The following FGF14 variants were observed in gnomAD, a reference collection of about 807,000 sequenced individuals.
FGF14 encodes the protein fibroblast growth factor homologous factor 4.
Under a neutral mutation model 25.5 loss-of-function variants are expected in FGF14, and 5 were observed. The observed-to-expected ratio is 0.20, with a 90% CI of 0.10 to 0.41. FGF14 has a LOEUF of 0.41. FGF14 is among the 10% of genes least tolerant of loss of function. The pLI, the probability that FGF14 is intolerant of heterozygous loss-of-function variation, is 1.00. For synonymous variants in FGF14, 138 were observed against 118.3 expected, an observed-to-expected ratio of 1.17 and a Z score of -1.08; for missense variants, 222 against 320.1, an observed-to-expected ratio of 0.69 and a Z score of 2.34.
chr13:102,166,257 CCATT>C (rs1367525259), intron 1 of FGF14, among the ~76,000 whole-genome samples: 4 of 150,974 alleles, frequency 2.6e-5, no homozygotes, highest in African/African-American at 4.9e-5. Context: ...TGCAAATTTG[CCATT>C]CACTTTATTT....
At chr13:101,950,746 A>G (rs933376835) in intron 1 of FGF14, among the ~76,000 whole-genome samples, 1 of 125,636 alleles carries the variant, frequency 8.0e-6, no homozygotes, top group Admixed American at 9.3e-5. Context: ...AGAAAACCTA[A>G]TCATGTTTTT....
chr13:102,063,853 TTAATA>T (rs1157872200), intron 1 of FGF14, among the ~76,000 whole-genome samples: 3 of 152,148 alleles, frequency 2.0e-5, no homozygotes, highest in Admixed American at 1.3e-4. Flanking sequence ...AAAAAAACAC[TTAATA>T]TATTATGTCA....
intron 3 of FGF14, among the ~76,000 whole-genome samples, chr13:101,816,219 G>A (rs1423121431): frequency 6.9e-6 from 1 of 144,778 alleles, no homozygotes; most frequent in Admixed American, 7.1e-5. Flanking sequence ...GCAGTGAGCC[G>A]AGATCGCGCC....
chr13:102,043,392 C>T (rs1277876357), intron 1 of FGF14, among the ~76,000 whole-genome samples: 2 of 152,124 alleles, frequency 1.3e-5, no homozygotes, highest in Non-Finnish European at 2.9e-5. Context: ...TGTTTAACAA[C>T]TGTCAAACAA....
chr13:101,730,381 T>C (rs2139711610), intron 3 of FGF14, among the ~76,000 whole-genome samples: 1 of 152,246 alleles, frequency 6.6e-6, no homozygotes, highest in South Asian at 2.1e-4. Flanking sequence ...AGGGGAGAAA[T>C]AATATCAGGA....
At chr13:102,134,020 C>G (rs2046308949) in intron 1 of FGF14, among the ~76,000 whole-genome samples, 1 of 152,134 alleles carries the variant, frequency 6.6e-6, no homozygotes, top group Non-Finnish European at 1.5e-5. Flanking sequence ...ATTTTGTCAT[C>G]TTTATTTTTA....
chr13:102,216,458 G>A (rs1316237600), intron 1 of FGF14, among the ~76,000 whole-genome samples: 1 of 152,178 alleles, frequency 6.6e-6, no homozygotes, highest in Non-Finnish European at 1.5e-5. Context: ...ACATCACGCG[G>A]TATTCTAAGT....
At chr13:101,969,641 T>C (rs1260067765) in intron 1 of FGF14, among the ~76,000 whole-genome samples, 2 of 152,204 alleles carry the variant, frequency 1.3e-5, no homozygotes, top group African/African-American at 4.8e-5. Context: ...TAAGACTATT[T>C]TTCACCGTAA....
chr13:102,253,652 A>C (rs1367208087), intron 1 of FGF14, among the ~76,000 whole-genome samples: 2 of 152,184 alleles, frequency 1.3e-5, no homozygotes, highest in Non-Finnish European at 2.9e-5. Context: ...TTTGCTGTGC[A>C]GAAGCTCTTT....
At chr13:101,954,326 T>G (rs2036373840) in intron 1 of FGF14, among the ~76,000 whole-genome samples, 1 of 146,854 alleles carries the variant, frequency 6.8e-6, no homozygotes, top group African/African-American at 2.5e-5. Context: ...GGTGGGGGGG[T>G]GGTAACTGAA....
At position 101,715,429 on chromosome 13, in the gene FGF14, A is replaced by G. The variant is rs943947703; in HGVS notation, c.*7402T>C. 4.5e-5 allele frequency: 32 copies of G among 706,862 alleles called. No homozygotes were observed. In the Admixed American group the frequency reaches 6.8e-4, roughly 15 times the overall value. 43.8% of individuals were successfully genotyped at this position (706,862 alleles called of 1,614,324 possible). A position where few individuals can be genotyped will look rare whatever the true frequency, so the allele number is the denominator to read the frequency against. ...CTGCTTAATAAGATGTAATAATAAC[A>G]TCATTGCACAATAAGAAAATCTACC... On this transcript the variant is annotated 3_prime_UTR_variant, in exon 5 of 5. Coordinates refer to ENST00000376143, the MANE Select transcript of FGF14 (RefSeq NM_004115.4).
chr13:102,363,649 G>C (rs1411882148), intron 1 of FGF14, among the ~76,000 whole-genome samples: 1 of 152,074 alleles, frequency 6.6e-6, no homozygotes. Flanking sequence ...AAAAACAAAA[G>C]GCATTTCTTG....
chr13:102,032,262 G>A (rs4284506), intron 1 of FGF14, among the ~76,000 whole-genome samples: 15,145 of 152,010 alleles, frequency 0.1, 1,755 homozygotes, highest in African/African-American at 0.29. Flanking sequence ...TTTCTATTTG[G>A]CTTTCAGCCT....
At chr13:101,966,307 T>C (rs1318711542) in intron 1 of FGF14, among the ~76,000 whole-genome samples, 2 of 151,780 alleles carry the variant, frequency 1.3e-5, no homozygotes, top group South Asian at 2.1e-4. Flanking sequence ...AAGGCAGAAA[T>C]TGGGGTGATG....
chr13:101,748,753 A>G (rs2037066230), intron 3 of FGF14, among the ~76,000 whole-genome samples: 1 of 148,472 alleles, frequency 6.7e-6, no homozygotes, highest in Admixed American at 6.7e-5. Flanking sequence ...TTTCTAAAAA[A>G]AAAAAAAAAA....
At chr13:102,096,524 C>T (rs2044410067) in intron 1 of FGF14, among the ~76,000 whole-genome samples, 1 of 152,026 alleles carries the variant, frequency 6.6e-6, no homozygotes, top group African/African-American at 2.4e-5. Flanking sequence ...TTAATATGCG[C>T]TATGATGATA....
intron 3 of FGF14, among the ~76,000 whole-genome samples, chr13:101,838,840 T>C (rs2043057667): frequency 6.6e-6 from 1 of 152,026 alleles, no homozygotes. Context: ...AAGCAAAAAT[T>C]CCAATGGACA....
At chr13:101,885,420 T>A (rs1233251865) in intron 1 of FGF14, among the ~76,000 whole-genome samples, 1 of 152,124 alleles carries the variant, frequency 6.6e-6, no homozygotes, top group Non-Finnish European at 1.5e-5. Context: ...TTCCCCCGAC[T>A]CTCCCAAATG....
intron 1 of FGF14, among the ~76,000 whole-genome samples, chr13:102,023,044 A>G (rs983305069): frequency 2.7e-3 from 8 of 2,930 alleles, no homozygotes; most frequent in Non-Finnish European, 5.3e-3. Flanking sequence ...ATATTTTCGG[A>G]CACACACACA....
Sources: allele counts gnomAD v4.1 joint callset (sites outside exome capture counted in the v4.1 genomes callset), GRCh38; gene constraint gnomAD v4.1.1; transcripts MANE v1.5; gene names NCBI Gene and HGNC (gene_info 2026-07-23, HGNC 2026-07-21).